Variants in DLEU7 observed in about 807,000 individuals in gnomAD.
DLEU7 encodes deleted in lymphocytic leukemia 7.
In DLEU7, 17 loss-of-function variants were observed where a neutral mutation model predicts 16.0. The ratio of observed to expected loss-of-function variants is 1.06; its 90% CI spans 0.73 to 1.59. The LOEUF is 1.59. Ranked by LOEUF, DLEU7 falls within the 40% of genes most tolerant of loss-of-function variation. The pLI, the probability that DLEU7 is intolerant of heterozygous loss-of-function variation, is 0.00. For missense variants in DLEU7, 308 were observed against 314.9 expected (o/e 0.98, Z 0.17); for synonymous variants, 113 against 139.8 (o/e 0.81, Z 1.35).
At chr13:50,773,724 G>T (rs1028122292) in intron 1 of DLEU7, among the ~76,000 whole-genome samples, 1 of 152,146 alleles carries the variant, frequency 6.6e-6, no homozygotes, top group Non-Finnish European at 1.5e-5. Context: ...AGGCTACATG[G>T]GGGTCAGGGA....
intron 1 of DLEU7, among the ~76,000 whole-genome samples, chr13:50,771,569 C>T (rs1178963644): frequency 6.6e-6 from 1 of 152,136 alleles, no homozygotes; most frequent in Admixed American, 6.5e-5. Context: ...TGTAGTTGTG[C>T]AGTTTTGAGT....
At chr13:50,765,026 G>A (rs565824290) in intron 1 of DLEU7, among the ~76,000 whole-genome samples, 1 of 152,232 alleles carries the variant, frequency 6.6e-6, no homozygotes, top group East Asian at 1.9e-4. Context: ...GGGATTACAG[G>A]CACGCACCAT....
chr13:50,751,353 AG>A (rs1282525346), intron 1 of DLEU7, among the ~76,000 whole-genome samples: 3 of 152,112 alleles, frequency 2.0e-5, no homozygotes, highest in African/African-American at 7.2e-5. Flanking sequence ...TAAGGATTTT[AG>A]CATCTATGTT....
intron 1 of DLEU7, among the ~76,000 whole-genome samples, chr13:50,807,012 T>C (rs1270181325): frequency 2.0e-5 from 3 of 148,126 alleles, no homozygotes; most frequent in Non-Finnish European, 4.5e-5. Flanking sequence ...GGTCTGCTCC[T>C]CTGCCTTTTT....
intron 1 of DLEU7, among the ~76,000 whole-genome samples, chr13:50,774,164 C>T (rs1209207278): frequency 6.6e-6 from 1 of 152,110 alleles, no homozygotes; most frequent in African/African-American, 2.4e-5. Flanking sequence ...TTTCCAGGTA[C>T]AGTCTGTCAC....
intron 1 of DLEU7, among the ~76,000 whole-genome samples, chr13:50,838,715 A>AC (rs1252127960): frequency 6.6e-6 from 1 of 152,046 alleles, no homozygotes; most frequent in Non-Finnish European, 1.5e-5. Context: ...CATATGTTCA[A>AC]CCCCCAATGT....
chr13:50,812,943 A>T (rs1239322704), intron 1 of DLEU7: 1 of 151,926 alleles, frequency 6.6e-6, no homozygotes, highest in African/African-American at 2.4e-5. Context: ...GCCTTTGAAA[A>T]CCCAAATGGT....
intron 1 of DLEU7, among the ~76,000 whole-genome samples, chr13:50,782,960 G>A (rs1260446991): frequency 6.6e-6 from 1 of 152,172 alleles, no homozygotes; most frequent in Non-Finnish European, 1.5e-5. Context: ...AAAGGCGTGT[G>A]TCTCTTTTCT....
downstream of DLEU7, chr13:50,822,849 T>C: frequency 1.0e-6 from 1 of 986,688 alleles, no homozygotes; most frequent in East Asian, 1.1e-4. Context: ...TAAAAGGAAG[T>C]GTCCAGTAAG....
At chr13:50,803,287 T>C (rs1408685890) in intron 1 of DLEU7, among the ~76,000 whole-genome samples, 1 of 152,206 alleles carries the variant, frequency 6.6e-6, no homozygotes, top group Non-Finnish European at 1.5e-5. Context: ...TAGAATGTGT[T>C]GATCATTGTC....
chr13:50,768,267 AT>A (rs888199021), intron 1 of DLEU7, among the ~76,000 whole-genome samples: 14 of 151,314 alleles, frequency 9.3e-5, no homozygotes, highest in African/African-American at 3.4e-4. Flanking sequence ...TCAAGTTGGT[AT>A]TTTTTTCATT....
intron 1 of DLEU7, among the ~76,000 whole-genome samples, chr13:50,815,100 A>G (rs1302933480): frequency 6.6e-6 from 1 of 152,122 alleles, no homozygotes; most frequent in Non-Finnish European, 1.5e-5. Flanking sequence ...TTCACTTGTG[A>G]CACAGGTTTG....
chr13:50,790,276 T>G (rs1001824343), intron 1 of DLEU7, among the ~76,000 whole-genome samples: 2 of 152,310 alleles, frequency 1.3e-5, no homozygotes, highest in Non-Finnish European at 2.9e-5. Flanking sequence ...TGTCCATTAC[T>G]ATCAATATCT....
At chr13:50,747,459 G>A (rs1874436705) in intron 1 of DLEU7, among the ~76,000 whole-genome samples, 1 of 151,822 alleles carries the variant, frequency 6.6e-6, no homozygotes, top group African/African-American at 2.4e-5. Flanking sequence ...CACAAAGAAT[G>A]TGTTTTAGGA....
chr13:50,736,402 A>G (rs1031677449), intron 1 of DLEU7, among the ~76,000 whole-genome samples: 4 of 152,126 alleles, frequency 2.6e-5, no homozygotes, highest in Admixed American at 6.6e-5. Context: ...ACTATCGGGT[A>G]CCAGGCTTAG....
At chr13:50,763,142 G>A (rs1004318639) in intron 1 of DLEU7, among the ~76,000 whole-genome samples, 1 of 152,168 alleles carries the variant, frequency 6.6e-6, no homozygotes, top group Admixed American at 6.5e-5. Flanking sequence ...ATGCAGAGGG[G>A]TGTGAGATCA....
Position 50,742,420 on chromosome 13 carries a change from C to A in DLEU7, c.460-29180G>T, listed in dbSNP as rs569703435. Among the ~76,000 whole-genome samples, 4 of 152,054 alleles carry A rather than the reference C, an allele frequency of 2.6e-5. No individual in the cohort carries two copies. The East Asian group carries it at 7.7e-4, about 29-fold the overall frequency. On this transcript the variant is annotated intron_variant, in intron 1 of 1. Coordinates refer to the DLEU7 transcript ENST00000400393. ...GAAACCCTAAAATGGCGTAATTGAC[C>A]CAAGTTCTTTAGAAATCAGGCAACA...
intron 1 of DLEU7, among the ~76,000 whole-genome samples, chr13:50,724,878 T>C (rs1362234912): frequency 1.3e-5 from 2 of 152,166 alleles, no homozygotes; most frequent in African/African-American, 4.8e-5. Flanking sequence ...ATGCCAGCGA[T>C]TAAATGTTTC....
At position 50,828,441 on chromosome 13, in the gene DLEU7, G is replaced by A. The variant is rs150623007; in HGVS notation, c.460-4921C>T. Among the ~76,000 whole-genome samples the A allele has an allele frequency of 3.1e-3, 467 of 152,226 alleles. 3 individuals carry two copies. The highest frequency in any genetic ancestry group is 0.01 in the African/African-American group (435 of 41,538). On this transcript the variant is annotated intron_variant, in intron 1 of 1. Coordinates refer to ENST00000504404, the MANE Select transcript of DLEU7 (RefSeq NM_001306135.2). The stretch of plus-strand genomic sequence containing the variant: ...TGGATCAGTGAAAAAATAATTGAAA[G>A]TTTCAAATACTTTATACTGAACTAT...
Sources: gnomAD v4.1 joint callset for allele counts (sites outside exome capture counted in the v4.1 genomes callset) on GRCh38, gnomAD v4.1.1 for gene constraint, MANE v1.5 for transcripts, NCBI Gene and HGNC (gene_info 2026-07-23, HGNC 2026-07-21) for gene names.